The following RELN variants were observed in gnomAD, a reference collection of about 807,000 sequenced individuals.
RELN encodes reelin.
RELN carries 108 observed loss-of-function variants against 427.6 expected under a neutral mutation model. The observed-to-expected ratio is 0.25, with a 90% CI of 0.22 to 0.30. The LOEUF is 0.30. Ranked by LOEUF, RELN falls within the 10% of genes least tolerant of loss-of-function variation. The probability of loss-of-function intolerance (pLI) is 1.00; values close to 1 mark genes in which losing one functional copy is unlikely to be tolerated. For synonymous variants in RELN, 1,524 were observed against 1,513.4 expected (o/e 1.01, Z -0.16); for missense variants, 3,715 against 4,302.8 (o/e 0.86, Z 3.82).
intron 24 of RELN, among the ~76,000 whole-genome samples, chr7:103,600,795 G>T (rs1052159165): frequency 1.3e-5 from 2 of 152,202 alleles, no homozygotes; most frequent in Non-Finnish European, 2.9e-5. Context: ...ATGATTTTTA[G>T]TTAGTTGCAG....
intron 2 of RELN, among the ~76,000 whole-genome samples, chr7:103,914,767 C>A (rs1265072137): frequency 6.6e-6 from 1 of 152,086 alleles, no homozygotes; most frequent in East Asian, 1.9e-4. Flanking sequence ...GACTCACAGC[C>A]TGAACTCTTA....
In RELN at chr7:103,557,172, T is replaced by C. The variant is rs767047774; in HGVS notation, c.5615-13A>G. On this transcript the variant is annotated splice_polypyrimidine_tract_variant and intron_variant, in intron 37 of 64. Transcript: ENST00000428762. Reference sequence around the variant, plus strand: ...CTCTCTGGGGTACCTAGGAAGAAGATAACACAGGTATAAAACATACTGTGA... The same window carrying C: ...CTCTCTGGGGTACCTAGGAAGAAGACAACACAGGTATAAAACATACTGTGA... 6 of 1,598,620 alleles carry C rather than the reference T, an allele frequency of 3.8e-6. No homozygotes were observed. The highest frequency in any genetic ancestry group is 5.1e-6 in the Non-Finnish European group (6 of 1,166,170).
intron 36 of RELN, among the ~76,000 whole-genome samples, chr7:103,559,001 G>A (rs1830584618): frequency 6.6e-6 from 1 of 152,152 alleles, no homozygotes; most frequent in African/African-American, 2.4e-5. Context: ...AAAAATTTAA[G>A]TAGAGCAAAT....
chr7:103,735,548 A>G (rs1390416356), intron 6 of RELN, among the ~76,000 whole-genome samples: 1 of 152,146 alleles, frequency 6.6e-6, no homozygotes, highest in Admixed American at 6.6e-5. Context: ...TTGCACAACC[A>G]GAGATTTATG....
chr7:103,726,655 A>C (rs1790219128), intron 7 of RELN, among the ~76,000 whole-genome samples: 1 of 152,136 alleles, frequency 6.6e-6, no homozygotes, highest in African/African-American at 2.4e-5. Context: ...CCTATTAACC[A>C]GTGGCAACAA....
intron 10 of RELN, among the ~76,000 whole-genome samples, chr7:103,688,837 C>T (rs1291526064): frequency 6.6e-6 from 1 of 152,094 alleles, no homozygotes; most frequent in Non-Finnish European, 1.5e-5. Flanking sequence ...AGATTTAATG[C>T]TTCCCCTTAA....
At position 103,913,302 on chromosome 7, in the gene RELN, G is replaced by GA. The variant is rs563302594; in HGVS notation, c.337+3772dup. On this transcript the variant is annotated intron_variant, in intron 2 of 64. Coordinates refer to ENST00000428762, the MANE Select transcript of RELN (RefSeq NM_005045.4). ...CAATTAAAATAACTACTACAAGTAG[G>GA]AAAAAAACTTTCAGAAGTACCTATT... Among the ~76,000 whole-genome samples the GA allele has an allele frequency of 2.5e-3, 387 of 152,156 alleles. 1 individual carries two copies. The highest frequency in any genetic ancestry group is 8.9e-3 in the African/African-American group (370 of 41,530).
chr7:103,574,249 C>T lies in RELN; in HGVS notation c.4354G>A (p.Asp1452Asn), dbSNP rs114446781. 40 of 1,613,992 alleles carry T rather than the reference C, an allele frequency of 2.5e-5. No homozygotes were observed. The Admixed American group carries it at 4.7e-4, about 19-fold the overall frequency. The change falls in exon 30 of 65, where the codon GAT (aspartate) becomes AAT (asparagine). Residue 1452 changes from aspartate to asparagine, a missense_variant. Asp to Asn is a conservative substitution (Grantham distance 23). Around this residue, in one of 4 missense-constraint regions of RELN, gnomAD observed 2,208 missense variants for 2,361.7 expected, o/e 0.93. Coordinates refer to ENST00000428762, the MANE Select transcript of RELN (RefSeq NM_005045.4). ...SNVPNHNEMF[D>N]RFEGKLSPLW... ...GGGCTGAGCTTCCCCTCAAACCTAT[C>T]GAACATCTCATTGTGATTGGGGACA...
rs1057154374 is a variant in RELN at position 103,872,748 on chromosome 7, T to C, written c.338-39076A>G. ...CTGTTGTTTCCTGACTTTTTAATGA[T>C]TGCCATTCTCACTGGTGTGAGATGG... On this transcript the variant is annotated intron_variant, in intron 2 of 64. Transcript: ENST00000428762. 6.7e-5 allele frequency among the ~76,000 whole-genome samples: 10 copies of C among 149,124 alleles called. No individual in the cohort carries two copies. The South Asian group carries it at 9.5e-4, about 14-fold the overall frequency.
intron 17 of RELN, among the ~76,000 whole-genome samples, chr7:103,638,829 C>G (rs193161093): frequency 2.0e-5 from 3 of 152,276 alleles, no homozygotes; most frequent in Admixed American, 6.5e-5. Context: ...TTGTTTGTAT[C>G]CACCATGGGT....
rs1222575999 is a variant in RELN at position 103,824,604 on chromosome 7, GT to G, written c.473+8932del. 6.9e-6 allele frequency among the ~76,000 whole-genome samples: 1 copy of G among 145,062 alleles called. No individual in the cohort carries two copies. Among genetic ancestry groups the G allele is most frequent in the Non-Finnish European group, 1.5e-5 (1 of 66,552 alleles). ...TGTCTCCTTTCTTCTGGAAACCAGT[GT>G]TTTCACTTTCTTTCAAAACAGAGTG... is the stretch of plus-strand genomic sequence containing the variant. On this transcript the variant is annotated intron_variant, in intron 3 of 64. Transcript: ENST00000428762. This position sits in a 1 kb window ranked among gnomAD's most constrained non-coding sequence, Gnocchi z 4.4.
At chr7:103,509,645 G>T (rs2711851) in intron 51 of RELN, among the ~76,000 whole-genome samples, 1 of 152,028 alleles carries the variant, frequency 6.6e-6, no homozygotes, top group Non-Finnish European at 1.5e-5. Flanking sequence ...AAAAGCCAAA[G>T]TAGACCAATG....
intron 1 of RELN, among the ~76,000 whole-genome samples, chr7:103,943,847 CCAAAAAAAAAAAAA>C (rs1449456561): frequency 1.4e-4 from 2 of 14,600 alleles, no homozygotes; most frequent in African/African-American, 8.0e-4. Flanking sequence ...GATTCTGTCT[CCAAAAAAAAAAAAA>C]AAAAAAAAGA....
At chr7:103,667,365 C>G (rs1201169955) in intron 11 of RELN, among the ~76,000 whole-genome samples, 1 of 152,168 alleles carries the variant, frequency 6.6e-6, no homozygotes, top group Non-Finnish European at 1.5e-5. Flanking sequence ...TTTATTTTAA[C>G]ATGTTAAATA....
At chr7:103,756,458 A>G (rs1269998603) in intron 4 of RELN, among the ~76,000 whole-genome samples, 1 of 152,230 alleles carries the variant, frequency 6.6e-6, no homozygotes, top group African/African-American at 2.4e-5. Context: ...TCTGAAGAAG[A>G]AATAGGCTCC....
chr7:103,905,446 T>C (rs1033614242), intron 2 of RELN, among the ~76,000 whole-genome samples: 2 of 152,214 alleles, frequency 1.3e-5, no homozygotes, highest in Admixed American at 6.5e-5. Context: ...TAAATGCATG[T>C]ATAGATGTGT....
chr7:103,572,408 T>C, intron 30 of RELN, 148 bp from the exon 31 acceptor site: 4 of 630,840 alleles, frequency 6.3e-6, no homozygotes, highest in East Asian at 2.8e-5. Context: ...AGAAAATACA[T>C]AAATTATAGT....
chr7:103,916,749 G>A (rs1425650445), intron 2 of RELN, among the ~76,000 whole-genome samples: 3 of 152,118 alleles, frequency 2.0e-5, no homozygotes, highest in Non-Finnish European at 4.4e-5. Context: ...ATTACTGAAT[G>A]ATTGCGTGGA....
At position 103,620,491 on chromosome 7, in the gene RELN, T is replaced by G. The variant is rs1370084529; in HGVS notation, c.2703-8688A>C. ...CCGATCCACATTTTTTTTTTTTTTT[T>G]GAGATAGAGTCTCGTCTGTCGCCCA... On this transcript the variant is annotated intron_variant, in intron 20 of 64. Transcript: ENST00000428762. The surrounding 1 kb of genome is among the most constrained non-coding windows in gnomAD (Gnocchi z 4.1). Among the ~76,000 whole-genome samples, 4 of 118,600 alleles carry G rather than the reference T, an allele frequency of 3.4e-5. No individual in the cohort carries two copies. The highest frequency in any genetic ancestry group is 7.1e-5 in the Non-Finnish European group (4 of 56,392). The allele number at this position is 118,600 out of a possible 152,430, so 77.8% of individuals were successfully genotyped here. A position where few individuals can be genotyped will look rare whatever the true frequency, so the allele number is the denominator to read the frequency against.
Sources: gnomAD v4.1 joint callset for allele counts (sites outside exome capture counted in the v4.1 genomes callset) on GRCh38, gnomAD v4.1.1 for gene constraint, gnomAD v4.1.1 regional missense constraint, Gnocchi (gnomAD v3.1) non-coding constraint, MANE v1.5 for transcripts, NCBI Gene and HGNC (gene_info 2026-07-23, HGNC 2026-07-21) for gene names.